TMEM131: variants seen among roughly 807,000 people sequenced by gnomAD.
TMEM131 encodes the protein 2610524E03Rik.
Under a neutral mutation model 211.6 loss-of-function variants are expected in TMEM131, and 66 were observed. The observed-to-expected ratio is 0.31, with a 90% confidence interval of 0.26 to 0.38. The LOEUF (loss-of-function observed/expected upper bound fraction) is 0.38, where lower values mean the gene tolerates loss of function less well. TMEM131 is among the 10% of genes least tolerant of loss of function. The probability of loss-of-function intolerance (pLI) is 1.00; values close to 1 mark genes in which losing one functional copy is unlikely to be tolerated. For synonymous variants in TMEM131, 844 were observed against 841.3 expected (o/e 1.00, Z -0.06); for missense variants, 2,036 against 2,299.3 (o/e 0.89, Z 2.34).
intron 1 of TMEM131, among the ~76,000 whole-genome samples, chr2:97,952,497 TTGG>T (rs1559471071): frequency 6.6e-6 from 1 of 152,202 alleles, no homozygotes; most frequent in African/African-American, 2.4e-5. Context: ...CCAATTCGAA[TTGG>T]TGTTCAGTCT....
intron 31 of TMEM131, among the ~76,000 whole-genome samples, chr2:97,788,065 A>AC: frequency 6.6e-6 from 1 of 152,034 alleles, no homozygotes; most frequent in African/African-American, 2.4e-5. Flanking sequence ...ACAGCACCCC[A>AC]CCGCTCTCCT....
intron 6 of TMEM131, among the ~76,000 whole-genome samples, chr2:97,842,694 G>A (rs1683253782): frequency 6.6e-6 from 1 of 152,066 alleles, no homozygotes; most frequent in Non-Finnish European, 1.5e-5. Flanking sequence ...GATGTGAAGA[G>A]GTAAAGAAAG....
intron 29 of TMEM131, 54 bp downstream of exon 29, chr2:97,794,876 G>T: frequency 7.0e-7 from 1 of 1,425,008 alleles, no homozygotes; most frequent in Non-Finnish European, 9.5e-7. Flanking sequence ...GTGGGCACTC[G>T]ATCAACAGTG....
chr2:97,933,438 A>G (rs1677313980), intron 1 of TMEM131, among the ~76,000 whole-genome samples: 1 of 152,168 alleles, frequency 6.6e-6, no homozygotes, highest in Admixed American at 6.5e-5. Flanking sequence ...CGGGGACAGA[A>G]AGTAGATTAG....
At chr2:97,973,218 C>G (rs1268151696) in intron 1 of TMEM131, among the ~76,000 whole-genome samples, 1 of 152,220 alleles carries the variant, frequency 6.6e-6, no homozygotes, top group Admixed American at 6.5e-5. Flanking sequence ...ATGCCAGTTA[C>G]ACTGTAGAAT....
At chr2:97,888,815 T>C (rs964371507) in intron 3 of TMEM131, among the ~76,000 whole-genome samples, 3 of 152,192 alleles carry the variant, frequency 2.0e-5, no homozygotes, top group African/African-American at 7.2e-5. Flanking sequence ...ATGCCTAAAG[T>C]GTCAGAAATT....
At chr2:97,814,861 C>T (rs1681742828) in intron 13 of TMEM131, among the ~76,000 whole-genome samples, 1 of 152,080 alleles carries the variant, frequency 6.6e-6, no homozygotes, top group African/African-American at 2.4e-5. Context: ...TGTCAAAATA[C>T]TTTAATAATA....
At position 97,954,609 on chromosome 2, in the gene TMEM131, A is replaced by T. The variant is rs997847538; in HGVS notation, c.188-27122T>A. Among the ~76,000 whole-genome samples the T allele has an allele frequency of 5.3e-5, 8 of 152,176 alleles. 1 individual carries two copies. Among genetic ancestry groups the T allele is most frequent in the African/African-American group, 1.9e-4 (8 of 41,450 alleles). The stretch of plus-strand genomic sequence containing the variant: ...CACCTGAGGTCAGGAGTTCGAGACC[A>T]GCCTTACCAACATGGTGAAAACCCA... On this transcript the variant is annotated intron_variant, in intron 1 of 40. Coordinates refer to ENST00000186436, the MANE Select transcript of TMEM131 (RefSeq NM_015348.2).
chr2:97,849,717 C>CTTTTTTTTTTTTTTTTTTTTTTTTTT (rs11320615), intron 5 of TMEM131, among the ~76,000 whole-genome samples: 1 of 103,826 alleles, frequency 9.6e-6, no homozygotes, highest in African/African-American at 3.8e-5. Context: ...CTCTCTCTCT[C>CTTTTTTTTTTTTTTTTTTTTTTTTTT]TTTTTTTTTT....
chr2:97,910,365 A>G (rs1302225433), intron 2 of TMEM131, among the ~76,000 whole-genome samples: 1 of 152,134 alleles, frequency 6.6e-6, no homozygotes, highest in Non-Finnish European at 1.5e-5. Context: ...ACGACCCGCA[A>G]TCCCACTTCT....
chr2:97,846,167 C>G (rs1274951145), intron 5 of TMEM131, among the ~76,000 whole-genome samples: 1 of 152,202 alleles, frequency 6.6e-6, no homozygotes, highest in Non-Finnish European at 1.5e-5. Context: ...ATAATACCTA[C>G]GTTACATAAA....
At chr2:97,805,353 G>C (rs762464822) in intron 21 of TMEM131, 23 bp downstream of exon 21, 2 of 1,610,046 alleles carry the variant, frequency 1.2e-6, no homozygotes, top group Admixed American at 1.7e-5. Context: ...GAAGACATGA[G>C]AGAGAACAGC....
At position 97,812,507 on chromosome 2, in the gene TMEM131, G is replaced by A. The variant is rs1157367712; in HGVS notation, c.1777C>T (p.Leu593Phe). 2 of 1,612,264 alleles carry A rather than the reference G, an allele frequency of 1.2e-6. No homozygotes were observed. Among genetic ancestry groups the A allele is most frequent in the African/African-American group, 2.7e-5 (2 of 74,810 alleles). ...CTATTGCCTCTTTCCACAGCTACAA[G>A]TTCTATTGATAAACCGTCTCCTATG... ...HIIGDGLSIE[L>F]VAVERGNRTT... The change falls in exon 17 of 41, where the codon CTT (leucine) becomes TTT (phenylalanine). Residue 593 changes from leucine to phenylalanine, a missense_variant. Coordinates refer to ENST00000186436, the MANE Select transcript of TMEM131 (RefSeq NM_015348.2).
chr2:97,776,703 T>C (rs1679751526), intron 31 of TMEM131, among the ~76,000 whole-genome samples: 1 of 152,208 alleles, frequency 6.6e-6, no homozygotes, highest in Non-Finnish European at 1.5e-5. Flanking sequence ...CTCTGACATC[T>C]GCTGGGAGAT....
chr2:97,824,689 G>T (rs1190560379), intron 11 of TMEM131, among the ~76,000 whole-genome samples: 1 of 152,104 alleles, frequency 6.6e-6, no homozygotes, highest in Admixed American at 6.5e-5. Context: ...ATTTGGAAGG[G>T]CAAAAAATGC....
At chr2:97,905,921 A>T (rs1036818049) in intron 3 of TMEM131, among the ~76,000 whole-genome samples, 1 of 152,202 alleles carries the variant, frequency 6.6e-6, no homozygotes, top group Admixed American at 6.5e-5. Context: ...ACACACCCAA[A>T]TACCTCTGGA....
chr2:97,876,089 A>C (rs1234655708), intron 4 of TMEM131, among the ~76,000 whole-genome samples: 1 of 152,260 alleles, frequency 6.6e-6, no homozygotes, highest in African/African-American at 2.4e-5. Context: ...CTCTATGCAA[A>C]TAAACTACAA....
chr2:97,922,215 T>C (rs2104422281), intron 2 of TMEM131, among the ~76,000 whole-genome samples: 2 of 152,312 alleles, frequency 1.3e-5, no homozygotes, highest in East Asian at 3.9e-4. Flanking sequence ...TATGAGAATC[T>C]AATGCCACCA....
At chr2:97,862,543 TA>T (rs2105189090) in intron 4 of TMEM131, among the ~76,000 whole-genome samples, 1 of 151,986 alleles carries the variant, frequency 6.6e-6, no homozygotes, top group South Asian at 2.1e-4. Flanking sequence ...CTGAAATAAT[TA>T]AAAACAATCA....
Sources: allele counts gnomAD v4.1 joint callset (sites outside exome capture counted in the v4.1 genomes callset), GRCh38; gene constraint gnomAD v4.1.1; transcripts MANE v1.5; gene names NCBI Gene and HGNC (gene_info 2026-07-23, HGNC 2026-07-21).